Variants in ST18 observed in about 807,000 individuals in gnomAD.
ST18 encodes suppression of tumorigenicity 18 protein.
ST18 carries 50 observed loss-of-function variants against 110.0 expected under a neutral mutation model. The observed-to-expected ratio is 0.45, with a 90% CI of 0.36 to 0.58. ST18 has a LOEUF of 0.58. Ranked by LOEUF, ST18 falls within the 20% of genes least tolerant of loss-of-function variation. The pLI is 0.00. For missense variants in ST18, 1,306 were observed against 1,280.1 expected, an observed-to-expected ratio of 1.02 and a Z score of -0.31; for synonymous variants, 461 against 452.4, an observed-to-expected ratio of 1.02 and a Z score of -0.24.
intron 2 of ST18, among the ~76,000 whole-genome samples, chr8:52,354,152 G>A (rs765814029): frequency 1.3e-5 from 2 of 152,254 alleles, no homozygotes; most frequent in Non-Finnish European, 2.9e-5. Context: ...ACCTCTGGAA[G>A]GTCTTTTGCT....
At chr8:52,300,886 T>C (rs1000217512) in intron 2 of ST18, among the ~76,000 whole-genome samples, 1 of 152,158 alleles carries the variant, frequency 6.6e-6, no homozygotes, top group Admixed American at 6.5e-5. Context: ...CAGAATGAGA[T>C]GTGAGAGACA....
chr8:52,407,211 T>C (rs1392713484), intron 2 of ST18: 1 of 152,238 alleles, frequency 6.6e-6, no homozygotes, highest in Non-Finnish European at 1.5e-5. Flanking sequence ...TAGGTTTTTC[T>C]TTCCAGATTT....
chr8:52,296,889 T>A (rs951959807), intron 2 of ST18, among the ~76,000 whole-genome samples: 7 of 151,780 alleles, frequency 4.6e-5, no homozygotes, highest in African/African-American at 1.7e-4. Context: ...ACAAATAGAA[T>A]CAAGATTATA....
chr8:52,154,642 G>C (rs973093318), intron 15 of ST18: 2 of 152,174 alleles, frequency 1.3e-5, no homozygotes, highest in African/African-American at 4.8e-5. Flanking sequence ...GCTCTTTGGA[G>C]CTGTGGCCCC....
rs1304410394 is a variant in ST18 at position 52,172,170 on chromosome 8, A to G, written c.691T>C (p.Leu231=). ...TCAGTTTTTATTTCAGGAACTTCCA[A>G]TAGGTCTTTTTTATGATCTGTTAAA... The part of the protein sequence containing the change: ...YVLTDHKKDL[L]EVPEIKTEGD... Residue 231 remains leucine (L), a synonymous_variant, in exon 10 of 26, where the codon TTG becomes CTG. Coordinates refer to ENST00000689386, the MANE Select transcript of ST18 (RefSeq NM_001352837.2). 1.2e-6 allele frequency: 2 copies of G among 1,614,070 alleles called. No individual in the cohort carries two copies. Among genetic ancestry groups the G allele is most frequent in the South Asian group, 2.2e-5 (2 of 91,068 alleles).
chr8:52,340,520 C>A (rs529016495), intron 2 of ST18, among the ~76,000 whole-genome samples: 2 of 152,344 alleles, frequency 1.3e-5, no homozygotes, highest in Non-Finnish European at 2.9e-5. Flanking sequence ...TTCAAAAAGT[C>A]TATCACGGGG....
chr8:52,201,556 G>A (rs1050660401), intron 8 of ST18, among the ~76,000 whole-genome samples: 5 of 152,216 alleles, frequency 3.3e-5, no homozygotes, highest in Admixed American at 6.5e-5. Context: ...TGAGCCTCCC[G>A]GAGTAGTTCC....
intron 2 of ST18, among the ~76,000 whole-genome samples, chr8:52,232,183 AACAG>A (rs1289345305): frequency 6.6e-5 from 10 of 152,238 alleles, no homozygotes; most frequent in Non-Finnish European, 1.0e-4. Flanking sequence ...GATAGAAAGG[AACAG>A]ATAAAAAGTG....
chr8:52,158,877 CG>C lies in ST18; in HGVS notation c.1806+20del. 6.2e-7 allele frequency: 1 copy of C among 1,613,730 alleles called. No homozygotes were observed. Among genetic ancestry groups the C allele is most frequent in the Non-Finnish European group, 8.5e-7 (1 of 1,179,736 alleles). ...ACAGTTCAGTCGCTGGCCCACCCTC[CG>C]GGCTCTTGGACTGGCCTACCTTGGC... is the stretch of plus-strand genomic sequence containing the variant. On this transcript the variant is annotated intron_variant, in intron 15 of 25. Transcript: ENST00000689386.
At chr8:52,131,910 G>T in intron 22 of ST18, 48 bp downstream of exon 22, 1 of 1,590,424 alleles carries the variant, frequency 6.3e-7, no homozygotes, top group South Asian at 1.1e-5. Flanking sequence ...CAGCCTAGGC[G>T]ACAACCGATC....
Position 52,172,057 on chromosome 8 carries a change from A to G in ST18, c.804T>C (p.Asp268=), listed in dbSNP as rs374978584. The change falls in exon 10 of 26, where the codon GAT becomes GAC. Residue 268 remains aspartate, a synonymous_variant. Transcript: ENST00000689386. ...DPQNALAEPL[D]GNAQPSFPDV... is the part of the protein sequence containing the mutation. ...CAGGGAATGAGGGCTGGGCATTGCCATCCAGGGGTTCTGCGAGAGCATTCT... is the reference window on the plus strand; with the variant it reads ...CAGGGAATGAGGGCTGGGCATTGCCGTCCAGGGGTTCTGCGAGAGCATTCT... 3 of 1,614,140 alleles carry G rather than the reference A, an allele frequency of 1.9e-6. No homozygotes were observed. The highest frequency in any genetic ancestry group is 2.7e-5 in the African/African-American group (2 of 74,954).
chr8:52,271,582 A>G (rs2095078559), intron 2 of ST18, among the ~76,000 whole-genome samples: 1 of 152,226 alleles, frequency 6.6e-6, no homozygotes, highest in South Asian at 2.1e-4. Flanking sequence ...CGTAGTTTAT[A>G]ACAATGGTTT....
At chr8:52,129,776 G>A (rs1047788359) in intron 22 of ST18, among the ~76,000 whole-genome samples, 2 of 152,094 alleles carry the variant, frequency 1.3e-5, no homozygotes, top group South Asian at 2.1e-4. Context: ...TGGGTGTGGT[G>A]GCCCATGCCT....
At chr8:52,356,982 G>A (rs1225132413) in intron 2 of ST18, among the ~76,000 whole-genome samples, 1 of 152,044 alleles carries the variant, frequency 6.6e-6, no homozygotes, top group African/African-American at 2.4e-5. Flanking sequence ...CTGAATACCT[G>A]GGTGATGAAA....
At chr8:52,335,887 T>A (rs1811814723) in intron 2 of ST18, among the ~76,000 whole-genome samples, 1 of 152,094 alleles carries the variant, frequency 6.6e-6, no homozygotes, top group African/African-American at 2.4e-5. Context: ...AATTACACAC[T>A]TCAGAGGCCT....
At position 52,212,102 on chromosome 8, in the gene ST18, C is replaced by T. The variant is rs1167885850; in HGVS notation, c.63G>A (p.Met21Ile). The change falls in exon 8 of 26, where the codon ATG becomes ATA. Residue 21 changes from methionine (M) to isoleucine (I), a missense_variant. By Grantham distance (10) the Met-to-Ile change is conservative. Coordinates refer to ENST00000689386, the MANE Select transcript of ST18 (RefSeq NM_001352837.2). ...ACCTGAGCTCCTGGATTAGTGAATCCATTGGCACTGTTGACAAAAGAAGAA... is the reference window on the plus strand; with the variant it reads ...ACCTGAGCTCCTGGATTAGTGAATCTATTGGCACTGTTGACAAAAGAAGAA... ...RTRSKGTEVPMDSLIQELSVA... is the reference protein window; with the variant it reads ...RTRSKGTEVPIDSLIQELSVA... The T allele has an allele frequency of 6.2e-7, 1 of 1,603,436 alleles. No homozygotes were observed. The highest frequency in any genetic ancestry group is 1.1e-5 in the South Asian group (1 of 88,368).
At chr8:52,283,619 T>C (rs573079076) in intron 2 of ST18, among the ~76,000 whole-genome samples, 17 of 152,140 alleles carry the variant, frequency 1.1e-4, no homozygotes, top group Non-Finnish European at 2.1e-4. Context: ...AGAGGCCAAG[T>C]AGAGGGAAGA....
At chr8:52,137,534 A>C (rs1280670133) in intron 17 of ST18, 51 bp from the exon 18 acceptor site, 1 of 1,588,744 alleles carries the variant, frequency 6.3e-7, no homozygotes, top group Non-Finnish European at 8.6e-7. Flanking sequence ...TCCCAGGTTC[A>C]TTTCCTCTGC....
In ST18 at chr8:52,400,054, T is replaced by C. The variant is rs183170312; in HGVS notation, c.-465+9274A>G. ...GTATTGCTATCTAGTTCTTCATTCA[T>C]GTCCATCAATATTTGCTTTATATAC... On this transcript the variant is annotated intron_variant, in intron 2 of 25. Coordinates refer to ENST00000689386, the MANE Select transcript of ST18 (RefSeq NM_001352837.2). Among the ~76,000 whole-genome samples, 11 of 152,192 alleles carry C rather than the reference T, an allele frequency of 7.2e-5. No individual in the cohort carries two copies. The East Asian group carries it at 1.2e-3, about 16-fold the overall frequency.
Sources: gnomAD v4.1 joint callset for allele counts (sites outside exome capture counted in the v4.1 genomes callset) on GRCh38, gnomAD v4.1.1 for gene constraint, MANE v1.5 for transcripts, NCBI Gene and HGNC (gene_info 2026-07-23, HGNC 2026-07-21) for gene names.